Variants in ASB4 observed in about 807,000 individuals in gnomAD.
The protein encoded by ASB4 is ankyrin repeat and SOCS box containing 4.
Under a neutral mutation model 38.6 loss-of-function variants are expected in ASB4, and 35 were observed. The observed-to-expected ratio is 0.91, with a 90% CI of 0.69 to 1.20. ASB4 has a LOEUF of 1.20. Ranked by LOEUF, ASB4 falls within the 50% of genes most tolerant of loss-of-function variation. The probability of loss-of-function intolerance (pLI) is 0.00; values close to 1 mark genes in which losing one functional copy is unlikely to be tolerated. For missense variants in ASB4, 557 were observed against 527.2 expected (o/e 1.06, Z -0.55); for synonymous variants, 195 against 201.3 (o/e 0.97, Z 0.26).
Position 95,538,470 on chromosome 7 carries a change from G to C in ASB4, c.*711G>C, listed in dbSNP as rs1386442075. The C allele has an allele frequency of 2.6e-5, 4 of 152,216 alleles. No homozygotes were observed. Among genetic ancestry groups the C allele is most frequent in the Non-Finnish European group, 4.4e-5 (3 of 68,054 alleles). 9.4% of individuals were successfully genotyped at this position (152,216 alleles called of 1,614,324 possible). ...ATCTCACCATTTAGCAGAGGATCCA[G>C]ACATACACACAGCTAACTGCAATAT... On this transcript the variant is annotated 3_prime_UTR_variant, in exon 5 of 5. Transcript: ENST00000325885.
At chr7:95,532,046 C>T (rs991338034) in intron 3 of ASB4, among the ~76,000 whole-genome samples, 1 of 152,064 alleles carries the variant, frequency 6.6e-6, no homozygotes, top group East Asian at 1.9e-4. Flanking sequence ...GGAGAGCTGG[C>T]CCCCCTCCAA....
At chr7:95,479,494 C>G (rs954498406) in intron 1 of ASB4, among the ~76,000 whole-genome samples, 7 of 152,158 alleles carry the variant, frequency 4.6e-5, no homozygotes, top group Non-Finnish European at 8.8e-5. Context: ...CTTGCTGGCT[C>G]TTTATTATAA....
chr7:95,514,618 A>G (rs1016202295), intron 2 of ASB4, among the ~76,000 whole-genome samples: 75 of 152,264 alleles, frequency 4.9e-4, no homozygotes, highest in African/African-American at 1.8e-3. Context: ...GCAACCTATC[A>G]GGTATTTGAA....
intron 2 of ASB4, among the ~76,000 whole-genome samples, chr7:95,517,503 G>C (rs1306596114): frequency 6.6e-6 from 1 of 151,972 alleles, no homozygotes; most frequent in African/African-American, 2.4e-5. Context: ...TGCCCAAAGT[G>C]AGGCAAAAAT....
intron 2 of ASB4, among the ~76,000 whole-genome samples, chr7:95,514,848 G>T (rs908526803): frequency 6.6e-6 from 1 of 152,246 alleles, no homozygotes; most frequent in African/African-American, 2.4e-5. Flanking sequence ...AAAGTGTGAA[G>T]GGGACTTGGT....
At chr7:95,478,429 ACAGT>A (rs573018731), upstream of ASB4, 289 of 152,312 alleles carry the variant, frequency 1.9e-3, 2 homozygotes, top group African/African-American at 6.3e-3. Flanking sequence ...CTTGTCTTTC[ACAGT>A]CAAAGATGAC....
chr7:95,535,413 A>T (rs867443888), intron 3 of ASB4, among the ~76,000 whole-genome samples: 1 of 152,150 alleles, frequency 6.6e-6, no homozygotes, highest in Non-Finnish European at 1.5e-5. Context: ...ACCCCCTCAG[A>T]AAGGTTGATT....
intron 2 of ASB4, among the ~76,000 whole-genome samples, chr7:95,522,183 G>A (rs897630554): frequency 5.3e-5 from 8 of 151,940 alleles, no homozygotes; most frequent in African/African-American, 1.9e-4. Flanking sequence ...AATAACTATA[G>A]CATTTTAAAT....
intron 1 of ASB4, among the ~76,000 whole-genome samples, chr7:95,492,591 T>G (rs1304664067): frequency 6.6e-6 from 1 of 152,204 alleles, no homozygotes; most frequent in Non-Finnish European, 1.5e-5. Flanking sequence ...AGCGCTAACA[T>G]TCTGTGTTTC....
chr7:95,544,693 T>C (rs1176303559), downstream of ASB4, among the ~76,000 whole-genome samples: 1 of 152,046 alleles, frequency 6.6e-6, no homozygotes, highest in Non-Finnish European at 1.5e-5. Context: ...TTATTTTTAT[T>C]TATTTTATTT....
At chr7:95,533,184 C>T (rs1330413264) in intron 3 of ASB4, among the ~76,000 whole-genome samples, 1 of 152,052 alleles carries the variant, frequency 6.6e-6, no homozygotes, top group Non-Finnish European at 1.5e-5. Context: ...CAGGGAGAGG[C>T]CTGCAATTTT....
intron 1 of ASB4, among the ~76,000 whole-genome samples, chr7:95,487,307 T>A (rs946446365): frequency 2.0e-5 from 3 of 152,210 alleles, no homozygotes; most frequent in Non-Finnish European, 2.9e-5. Context: ...ATCTATTTTT[T>A]AAAAAGTTTA....
chr7:95,525,238 G>T (rs1436247704), intron 2 of ASB4, among the ~76,000 whole-genome samples: 3 of 152,214 alleles, frequency 2.0e-5, no homozygotes, highest in Non-Finnish European at 4.4e-5. Context: ...TGGACTTCCA[G>T]TCTCCAGAGG....
intron 2 of ASB4, among the ~76,000 whole-genome samples, chr7:95,524,944 C>T (rs1404477882): frequency 6.6e-6 from 1 of 152,212 alleles, no homozygotes; most frequent in African/African-American, 2.4e-5. Context: ...AGGAACCCCT[C>T]TTACTTTGCT....
intron 1 of ASB4, among the ~76,000 whole-genome samples, chr7:95,492,230 G>A (rs1490485250): frequency 6.6e-6 from 1 of 152,180 alleles, no homozygotes; most frequent in African/African-American, 2.4e-5. Context: ...CTGACTGAGA[G>A]GCCAAGGATG....
the ASB4 span, among the ~76,000 whole-genome samples, chr7:95,471,347 G>GT: frequency 6.6e-6 from 1 of 152,162 alleles, no homozygotes; most frequent in African/African-American, 2.4e-5. Context: ...GCAAAACAAT[G>GT]TGAATTCTGT....
chr7:95,523,980 G>C (rs993227093), intron 2 of ASB4, among the ~76,000 whole-genome samples: 1 of 152,150 alleles, frequency 6.6e-6, no homozygotes, highest in Non-Finnish European at 1.5e-5. Context: ...AAATTAAATA[G>C]ACGGAAAATA....
chr7:95,483,912 C>T (rs1392988710), upstream of ASB4, among the ~76,000 whole-genome samples: 1 of 151,784 alleles, frequency 6.6e-6, no homozygotes, highest in East Asian at 1.9e-4. Context: ...AGTTGGGAGC[C>T]AATCCCTTGG....
At chr7:95,521,948 G>A (rs191587374) in intron 2 of ASB4, among the ~76,000 whole-genome samples, 25 of 152,170 alleles carry the variant, frequency 1.6e-4, no homozygotes, top group East Asian at 3.9e-4. Flanking sequence ...TGTAAAACTC[G>A]TAGGACAGAA....
Sources: allele counts gnomAD v4.1 joint callset (sites outside exome capture counted in the v4.1 genomes callset), GRCh38; gene constraint gnomAD v4.1.1; transcripts MANE v1.5; gene names NCBI Gene and HGNC (gene_info 2026-07-23, HGNC 2026-07-21).